The following EYS variants were observed in gnomAD, a reference collection of about 807,000 sequenced individuals.
EYS encodes protein eyes shut homolog.
EYS carries 250 observed loss-of-function variants against 282.1 expected under a neutral mutation model. That is an observed-to-expected ratio of 0.89 (90% CI 0.80 to 0.98). The LOEUF is 0.98. Among genes scored for constraint, EYS ranks in the 50% least tolerant of loss-of-function variants. The pLI is 0.00. For missense variants in EYS, 4,016 were observed against 3,709.0 expected, an observed-to-expected ratio of 1.08 and a Z score of -2.15; for synonymous variants, 1,355 against 1,282.9, an observed-to-expected ratio of 1.06 and a Z score of -1.20.
In EYS at chr6:64,932,714, A is replaced by C. The variant is rs183187672; in HGVS notation, c.2381+13079T>G. Among the ~76,000 whole-genome samples the C allele has an allele frequency of 6.3e-4, 96 of 152,118 alleles. 2 individuals are homozygous for C. In the East Asian group the frequency reaches 0.016, roughly 26 times the overall value. The stretch of plus-strand genomic sequence containing the variant: ...TAAACTGCCTGGCTGAGCATTGAAG[A>C]CATGTCTCAACACACACACAGAGTC... On this transcript the variant is annotated intron_variant, in intron 15 of 42. Coordinates refer to ENST00000503581, the MANE Select transcript of EYS (RefSeq NM_001142800.2).
chr6:65,267,930 G>C (rs1767801220), intron 12 of EYS, among the ~76,000 whole-genome samples: 2 of 151,466 alleles, frequency 1.3e-5, no homozygotes, highest in Non-Finnish European at 3.0e-5. Flanking sequence ...TAGAAAATGT[G>C]TGTCTCACTA....
At chr6:64,656,784 C>A (rs559193048) in intron 22 of EYS, among the ~76,000 whole-genome samples, 42 of 152,154 alleles carry the variant, frequency 2.8e-4, no homozygotes, top group Non-Finnish European at 4.9e-4. Context: ...AATTTCTGTT[C>A]TGCTTTGCAT....
chr6:64,420,005 C>T (rs950927556), intron 28 of EYS, among the ~76,000 whole-genome samples: 5 of 152,226 alleles, frequency 3.3e-5, no homozygotes, highest in Non-Finnish European at 7.3e-5. Context: ...TCCATGAGGG[C>T]TCTGCCCCTG....
At chr6:63,801,283 A>C (rs13219854) in intron 37 of EYS, among the ~76,000 whole-genome samples, 1 of 152,186 alleles carries the variant, frequency 6.6e-6, no homozygotes, top group African/African-American at 2.4e-5. Context: ...GGAGAAAAAA[A>C]CAAAAAGTAA....
intron 26 of EYS, among the ~76,000 whole-genome samples, chr6:64,519,648 G>T (rs920510630): frequency 2.0e-5 from 3 of 151,750 alleles, no homozygotes; most frequent in Admixed American, 2.0e-4. Context: ...AACAAGTTTT[G>T]TGCCCCTTGT....
intron 22 of EYS, among the ~76,000 whole-genome samples, chr6:64,756,231 T>A (rs1489549010): frequency 6.6e-6 from 1 of 152,214 alleles, no homozygotes; most frequent in Non-Finnish European, 1.5e-5. Context: ...TGAAACTTTT[T>A]GGATTTTATA....
intron 19 of EYS, among the ~76,000 whole-genome samples, chr6:64,846,434 G>T (rs1765716294): frequency 6.6e-6 from 1 of 152,078 alleles, no homozygotes; most frequent in Non-Finnish European, 1.5e-5. Context: ...TTGCACATTA[G>T]TAGCTTTTGG....
At chr6:65,429,796 A>G (rs1767809127) in intron 5 of EYS, among the ~76,000 whole-genome samples, 1 of 150,002 alleles carries the variant, frequency 6.7e-6, no homozygotes, top group East Asian at 2.0e-4. Context: ...GCTAATGAAA[A>G]TGTCTTGGAA....
At chr6:63,813,823 T>C (rs1195466644) in intron 36 of EYS, among the ~76,000 whole-genome samples, 1 of 152,190 alleles carries the variant, frequency 6.6e-6, no homozygotes, top group Non-Finnish European at 1.5e-5. Flanking sequence ...CCTTGGAAAC[T>C]GCTGATTTTG....
intron 19 of EYS, among the ~76,000 whole-genome samples, chr6:64,863,435 C>T (rs1299566957): frequency 6.6e-6 from 1 of 152,160 alleles, no homozygotes; most frequent in Non-Finnish European, 1.5e-5. Flanking sequence ...ATCTGTTTTA[C>T]TTCCCAGATA....
chr6:64,566,000 A>T (rs983629029), intron 26 of EYS, among the ~76,000 whole-genome samples: 5 of 150,694 alleles, frequency 3.3e-5, no homozygotes, highest in African/African-American at 1.2e-4. Flanking sequence ...AATTAGTGCA[A>T]TATATATATA....
intron 35 of EYS, among the ~76,000 whole-genome samples, chr6:63,949,133 T>C (rs1054510419): frequency 4.6e-5 from 7 of 152,190 alleles, no homozygotes; most frequent in African/African-American, 1.7e-4. Context: ...GACTCATCAA[T>C]GGACACTTCA....
intron 31 of EYS, among the ~76,000 whole-genome samples, chr6:64,195,648 T>A (rs78653631): frequency 0.023 from 3,525 of 152,344 alleles, 128 homozygotes; most frequent in African/African-American, 0.08. Context: ...TTTCATTCTA[T>A]AATATTACTA....
At chr6:64,290,695 AAGAAT>A (rs1377329848) in intron 30 of EYS, among the ~76,000 whole-genome samples, 2 of 151,952 alleles carry the variant, frequency 1.3e-5, no homozygotes, top group Non-Finnish European at 2.9e-5. Context: ...TGAGGGGAGA[AAGAAT>A]AGATGACAAA....
intron 41 of EYS, among the ~76,000 whole-genome samples, chr6:63,740,220 G>T (rs1769038956): frequency 6.6e-6 from 1 of 152,154 alleles, no homozygotes; most frequent in African/African-American, 2.4e-5. Context: ...GAACCCAGTG[G>T]GAGGTGATTG....
At position 63,840,235 on chromosome 6, in the gene EYS, A is replaced by ATTGTTG. The variant is rs1554181016; in HGVS notation, c.7228+23950_7228+23951insCAACAA. On this transcript the variant is annotated intron_variant, in intron 36 of 42. Coordinates refer to ENST00000503581, the MANE Select transcript of EYS (RefSeq NM_001142800.2). ...TCTTATTATTATTATTATTATTATT[A>ATTGTTG]TTGTATTTTTAGTAGAGACAGGGTT... is the stretch of plus-strand genomic sequence containing the variant. 5.9e-3 allele frequency among the ~76,000 whole-genome samples: 861 copies of ATTGTTG among 146,002 alleles called. 7 individuals are homozygous for ATTGTTG. The highest frequency in any genetic ancestry group is 0.016 in the African/African-American group (620 of 39,726).
intron 14 of EYS, among the ~76,000 whole-genome samples, chr6:64,986,123 T>TA (rs549219141): frequency 1.3e-3 from 198 of 151,672 alleles, no homozygotes; most frequent in African/African-American, 4.6e-3. Flanking sequence ...TGCAAGCCTA[T>TA]ATTCCCATCC....
At chr6:65,703,753 T>C (rs941874774) in intron 1 of EYS, among the ~76,000 whole-genome samples, 1 of 152,152 alleles carries the variant, frequency 6.6e-6, no homozygotes, top group Non-Finnish European at 1.5e-5. Context: ...ATTCACATTA[T>C]CTCAATTAAA....
chr6:65,508,662 CAAAA>C (rs35302193), intron 2 of EYS, among the ~76,000 whole-genome samples: 2 of 109,988 alleles, frequency 1.8e-5, no homozygotes, highest in African/African-American at 3.4e-5. Flanking sequence ...GACTCCATCT[CAAAA>C]AAAAAAAAAA....
Sources: gnomAD v4.1 joint callset for allele counts (sites outside exome capture counted in the v4.1 genomes callset) on GRCh38, gnomAD v4.1.1 for gene constraint, MANE v1.5 for transcripts, NCBI Gene and HGNC (gene_info 2026-07-23, HGNC 2026-07-21) for gene names.